Variants in EFCAB6 observed in about 807,000 individuals in gnomAD.
The protein encoded by EFCAB6 is EF-hand calcium binding domain 6, also known as EF-hand calcium-binding domain-containing protein 6.
In EFCAB6, 156 loss-of-function variants were observed where a neutral mutation model predicts 169.8. That is an observed-to-expected ratio of 0.92 (90% CI 0.81 to 1.05). The LOEUF (loss-of-function observed/expected upper bound fraction) is 1.05. Among genes scored for constraint, EFCAB6 ranks in the 50% least tolerant of loss-of-function variants. EFCAB6 has a pLI of 0.00. For missense variants in EFCAB6, 1,800 were observed against 1,829.1 expected (o/e 0.98, Z 0.29); for synonymous variants, 698 against 676.4 (o/e 1.03, Z -0.50).
chr22:43,806,185 G>GA (rs144483647), intron 2 of EFCAB6, among the ~76,000 whole-genome samples: 59,340 of 135,358 alleles, frequency 0.44, 13,547 homozygotes, highest in Middle Eastern at 0.6. Flanking sequence ...GAGGAGAGGA[G>GA]GGGGAGGGGA....
chr22:43,756,777 G>A (rs1342169136), intron 5 of EFCAB6, among the ~76,000 whole-genome samples: 1 of 152,242 alleles, frequency 6.6e-6, no homozygotes, highest in Non-Finnish European at 1.5e-5. Flanking sequence ...TTTGGATGGA[G>A]TGGGTAGCAG....
intron 20 of EFCAB6, among the ~76,000 whole-genome samples, chr22:43,624,713 C>G (rs1332728091): frequency 1.3e-5 from 2 of 152,184 alleles, no homozygotes; most frequent in Admixed American, 6.5e-5. Flanking sequence ...GTCTCATACT[C>G]GACCCTGAGC....
At chr22:43,736,053 A>G in intron 6 of EFCAB6, 60 bp from the exon 7 acceptor site, 1 of 1,457,334 alleles carries the variant, frequency 6.9e-7, no homozygotes, top group Non-Finnish European at 9.1e-7. Context: ...ACCAAATGGT[A>G]ATAAAAATGT....
intron 20 of EFCAB6, among the ~76,000 whole-genome samples, chr22:43,618,807 A>G (rs1210218467): frequency 3.9e-5 from 6 of 152,236 alleles, no homozygotes; most frequent in Admixed American, 6.5e-5. Flanking sequence ...TGCCAACGAT[A>G]GCAGTGGCCA....
chr22:43,757,443 A>C (rs772479588), intron 5 of EFCAB6, among the ~76,000 whole-genome samples: 3 of 152,148 alleles, frequency 2.0e-5, no homozygotes, highest in Non-Finnish European at 4.4e-5. Context: ...ACTACTTAGG[A>C]GGCTGAGGCA....
intron 3 of EFCAB6, among the ~76,000 whole-genome samples, chr22:43,773,992 TC>T (rs1257030524): frequency 6.6e-6 from 1 of 152,142 alleles, no homozygotes; most frequent in African/African-American, 2.4e-5. Context: ...ACCATAGGCC[TC>T]CTTCCCCTCT....
At chr22:43,625,903 G>A (rs577125530) in intron 20 of EFCAB6, among the ~76,000 whole-genome samples, 141 of 152,316 alleles carry the variant, frequency 9.3e-4, no homozygotes, top group African/African-American at 2.8e-3. Context: ...ACGGCCCTCC[G>A]CCTGCCCCTG....
chr22:43,543,654 C>T (rs1021294910), intron 27 of EFCAB6, among the ~76,000 whole-genome samples: 3 of 152,126 alleles, frequency 2.0e-5, no homozygotes, highest in East Asian at 1.9e-4. Flanking sequence ...GCCCAATAGC[C>T]GCCAGAGACA....
intron 24 of EFCAB6, among the ~76,000 whole-genome samples, chr22:43,584,735 C>T (rs1167664737): frequency 6.6e-6 from 1 of 152,178 alleles, no homozygotes; most frequent in Non-Finnish European, 1.5e-5. Context: ...CCCATGGACT[C>T]AGCCCACTAA....
intron 2 of EFCAB6, among the ~76,000 whole-genome samples, chr22:43,793,573 G>C (rs1469217510): frequency 8.1e-6 from 1 of 123,532 alleles, no homozygotes; most frequent in East Asian, 2.3e-4. Flanking sequence ...AACTCAGAAT[G>C]TTAAAGAAAA....
chr22:43,545,004 G>A lies in EFCAB6; in HGVS notation c.3649-4647C>T, dbSNP rs375945853. Among the ~76,000 whole-genome samples, 793 of 152,116 alleles carry A rather than the reference G, an allele frequency of 5.2e-3. 4 individuals are homozygous for A. Among genetic ancestry groups the A allele is most frequent in the Middle Eastern group, 0.041 (12 of 294 alleles). On this transcript the variant is annotated intron_variant, in intron 27 of 31. Transcript: ENST00000262726. Reference sequence around the variant, plus strand: ...ATAAAAAAGAAAAAAAAAATTAGCCGGGCGTGGTGGCGGGCGCCTGTAGTC... The same window carrying A: ...ATAAAAAAGAAAAAAAAAATTAGCCAGGCGTGGTGGCGGGCGCCTGTAGTC...
Position 43,672,237 on chromosome 22 carries a change from G to C in EFCAB6, c.1479+9C>G. ...AGGCATCCACACAAAGAAGGCAAGT[G>C]TTACTTACTGAATCCCAGGCCAGGA... On this transcript the variant is annotated intron_variant, in intron 14 of 31. Coordinates refer to ENST00000262726, the MANE Select transcript of EFCAB6 (RefSeq NM_022785.4). 1 of 1,614,150 alleles carries C rather than the reference G, an allele frequency of 6.2e-7. No individual in the cohort carries two copies.
chr22:43,678,196 GAAAAA>G (rs34240326), intron 12 of EFCAB6, 33 bp from the exon 13 acceptor site: 2 of 1,195,112 alleles, frequency 1.7e-6, no homozygotes, highest in Non-Finnish European at 2.2e-6. Context: ...GGGAATTTTT[GAAAAA>G]AAAAAAAAAA....
chr22:43,687,381 A>G lies in EFCAB6; in HGVS notation c.1142+90T>C, dbSNP rs572385710. On this transcript the variant is annotated intron_variant, in intron 11 of 31. Coordinates refer to ENST00000262726, the MANE Select transcript of EFCAB6 (RefSeq NM_022785.4). ...TGGAGACTAATCGATCATTCAATAA[A>G]TGCAGAAAAAGTAGCACAGATATTC... The G allele has an allele frequency of 3.1e-4, 247 of 784,890 alleles. 1 individual carries two copies. Among genetic ancestry groups the G allele is most frequent in the African/African-American group, 2.5e-3 (143 of 56,092 alleles). 48.6% of individuals were successfully genotyped at this position (784,890 alleles called of 1,614,324 possible). A position where few individuals can be genotyped will look rare whatever the true frequency, so the allele number is the denominator to read the frequency against.
chr22:43,651,076 T>C (rs1222847939), intron 17 of EFCAB6, among the ~76,000 whole-genome samples: 1 of 152,224 alleles, frequency 6.6e-6, no homozygotes, highest in Non-Finnish European at 1.5e-5. Context: ...GGCAGAAATG[T>C]GCATAAGTAA....
At chr22:43,703,728 G>A (rs1010158847) in intron 10 of EFCAB6, among the ~76,000 whole-genome samples, 1 of 149,480 alleles carries the variant, frequency 6.7e-6, no homozygotes, top group African/African-American at 2.5e-5. Context: ...AAAAAAAAAT[G>A]CAACCAAAAG....
In EFCAB6 at chr22:43,784,678, C is replaced by CATATACAT. The variant is rs1569488099; in HGVS notation, c.-7-2354_-7-2353insATGTATAT. Among the ~76,000 whole-genome samples, 289 of 35,702 alleles carry CATATACAT rather than the reference C, an allele frequency of 8.1e-3. 14 individuals carry two copies. Among genetic ancestry groups the CATATACAT allele is most frequent in the Admixed American group, 0.034 (89 of 2,644 alleles). The allele number at this position is 35,702 out of a possible 152,430, so 23.4% of individuals were successfully genotyped here. A position where few individuals can be genotyped will look rare whatever the true frequency, so the allele number is the denominator to read the frequency against. On this transcript the variant is annotated intron_variant, in intron 2 of 31. Transcript: ENST00000262726. ...GTGTATATATACATATACATATATA[C>CATATACAT]ACACACACACACACACACACACACA...
chr22:43,667,395 A>G, intron 16 of EFCAB6, 123 bp from the exon 17 acceptor site: 1 of 1,259,720 alleles, frequency 7.9e-7, no homozygotes. Flanking sequence ...TCGGTTCACT[A>G]GCTGGGAAGG....
intron 10 of EFCAB6, among the ~76,000 whole-genome samples, chr22:43,702,333 A>G (rs1218235979): frequency 6.6e-6 from 1 of 152,184 alleles, no homozygotes; most frequent in African/African-American, 2.4e-5. Flanking sequence ...TCCCTCACAG[A>G]AAGTTCAACT....
Sources: allele counts gnomAD v4.1 joint callset (sites outside exome capture counted in the v4.1 genomes callset), GRCh38; gene constraint gnomAD v4.1.1; transcripts MANE v1.5; gene names NCBI Gene and HGNC (gene_info 2026-07-23, HGNC 2026-07-21).